Variants in CHRM3 observed in about 807,000 individuals in gnomAD.
CHRM3 encodes the protein cholinergic receptor muscarinic 3, also known as muscarinic acetylcholine receptor M3.
A neutral mutation model predicts 41.8 loss-of-function variants in CHRM3; 11 were observed. The observed-to-expected ratio is 0.26, with a 90% CI of 0.17 to 0.44. CHRM3 has a LOEUF of 0.44. Ranked by LOEUF, CHRM3 falls within the 20% of genes least tolerant of loss-of-function variation. The pLI is 1.00. For missense variants in CHRM3, 571 were observed against 745.4 expected (o/e 0.77, Z 2.72); for synonymous variants, 297 against 301.4 (o/e 0.99, Z 0.15).
intron 4 of CHRM3, among the ~76,000 whole-genome samples, chr1:239,646,108 G>A (rs952295857): frequency 4.6e-5 from 7 of 152,074 alleles, no homozygotes; most frequent in Non-Finnish European, 5.9e-5. Flanking sequence ...AAAAAGCAAT[G>A]CATGTGCAAT....
chr1:239,576,590 A>ACG (rs59926837), intron 3 of CHRM3, among the ~76,000 whole-genome samples: 9,561 of 115,002 alleles, frequency 0.083, 280 homozygotes, highest in Admixed American at 0.13. Context: ...ACACACACAC[A>ACG]CACGCACACA....
chr1:239,676,773 C>T (rs1309048232), intron 4 of CHRM3, among the ~76,000 whole-genome samples: 1 of 152,152 alleles, frequency 6.6e-6, no homozygotes, highest in African/African-American at 2.4e-5. Flanking sequence ...ATTGTGAAAC[C>T]AGAATGAGAT....
intron 3 of CHRM3, among the ~76,000 whole-genome samples, chr1:239,549,227 G>A (rs1659577774): frequency 6.6e-6 from 1 of 152,078 alleles, no homozygotes; most frequent in African/African-American, 2.4e-5. Context: ...TTTTGGTGGG[G>A]ACACAGCCAA....
At chr1:239,767,289 G>A (rs1238136629) in intron 5 of CHRM3, among the ~76,000 whole-genome samples, 1 of 152,078 alleles carries the variant, frequency 6.6e-6, no homozygotes, top group Admixed American at 6.6e-5. Flanking sequence ...GACATAAAAT[G>A]TGTGGTCCTT....
At position 239,589,586 on chromosome 1, in the gene CHRM3, G is replaced by A. The variant is rs1231854580; in HGVS notation, c.-312-42638G>A. Among the ~76,000 whole-genome samples the A allele has an allele frequency of 5.6e-5, 8 of 143,952 alleles. No individual in the cohort carries two copies. The East Asian group carries it at 1.6e-3, about 30-fold the overall frequency. The allele number at this position is 143,952 out of a possible 152,430, so 94.4% of individuals were successfully genotyped here. A position where few individuals can be genotyped will look rare whatever the true frequency, so the allele number is the denominator to read the frequency against. ...TGAAATTTTTTCATGAACAGTGCTT[G>A]CAATTAGCACCTATATATATTTATG... On this transcript the variant is annotated intron_variant, in intron 3 of 6. Transcript: ENST00000676153.
chr1:239,600,797 T>TTTCCTTCCTTCCTTCCTTCC (rs377366936), intron 3 of CHRM3, among the ~76,000 whole-genome samples: 13 of 150,566 alleles, frequency 8.6e-5, no homozygotes, highest in African/African-American at 2.9e-4. Context: ...CTTCCTTTTC[T>TTTCCTTCCTTCCTTCCTTCC]TTCCTTCCTT....
intron 6 of CHRM3, among the ~76,000 whole-genome samples, chr1:239,870,275 G>T (rs569226941): frequency 6.6e-6 from 1 of 152,186 alleles, no homozygotes; most frequent in Non-Finnish European, 1.5e-5. Flanking sequence ...GAAGGCAAGC[G>T]CTGAGCCAGC....
intron 4 of CHRM3, among the ~76,000 whole-genome samples, chr1:239,639,719 T>G (rs1425522329): frequency 6.6e-6 from 1 of 151,820 alleles, no homozygotes; most frequent in Non-Finnish European, 1.5e-5. Context: ...ACAGGGACAA[T>G]TTGACTTCCT....
chr1:239,443,571 TG>T (rs1663894435), intron 1 of CHRM3, among the ~76,000 whole-genome samples: 1 of 152,164 alleles, frequency 6.6e-6, no homozygotes, highest in Admixed American at 6.5e-5. Context: ...CTGTTTAAGG[TG>T]CCTGTGACAT....
At chr1:239,419,934 T>G (rs1293629604) in intron 1 of CHRM3, among the ~76,000 whole-genome samples, 1 of 152,158 alleles carries the variant, frequency 6.6e-6, no homozygotes, top group Non-Finnish European at 1.5e-5. Flanking sequence ...AGACTGATCG[T>G]TTCCCTGCCC....
chr1:239,570,284 C>T lies in CHRM3; in HGVS notation c.-313+24535C>T, dbSNP rs117245531. ...CTTGTGAAGAAAGTGCTTGTTTCCC[C>T]TTCATCTACTGCCATGACTGTAAGT... On this transcript the variant is annotated intron_variant, in intron 3 of 6. Transcript: ENST00000676153. Among the ~76,000 whole-genome samples the T allele has an allele frequency of 3.1e-3, 471 of 152,260 alleles. 15 individuals are homozygous for T. The East Asian group carries it at 0.078, about 25-fold the overall frequency.
Position 239,912,191 on chromosome 1 carries a change from G to GCA in CHRM3, c.*2981_*2982dup, listed in dbSNP as rs144453406. 5.9e-4 allele frequency: 97 copies of GCA among 163,590 alleles called. No homozygotes were observed. Among genetic ancestry groups the GCA allele is most frequent in the Non-Finnish European group, 8.3e-4 (56 of 67,370 alleles). The allele number at this position is 163,590 out of a possible 1,614,324, so 10.1% of individuals were successfully genotyped here. On this transcript the variant is annotated 3_prime_UTR_variant, in exon 7 of 7. Transcript: ENST00000676153. ...CTTCTTCCTTCTCTCTCTCTCACAA[G>GCA]CACACACACACACACTCAATCTCCA...
intron 3 of CHRM3, among the ~76,000 whole-genome samples, chr1:239,555,559 C>T (rs771944654): frequency 1.3e-5 from 2 of 152,158 alleles, no homozygotes; most frequent in Non-Finnish European, 2.9e-5. Flanking sequence ...GTCAGTTTAC[C>T]GTTGCCACGG....
intron 4 of CHRM3, among the ~76,000 whole-genome samples, chr1:239,654,764 G>A (rs1251923822): frequency 1.3e-5 from 2 of 152,168 alleles, no homozygotes; most frequent in Non-Finnish European, 2.9e-5. Flanking sequence ...TATATCTGGC[G>A]TCCATGAATG....
intron 6 of CHRM3, among the ~76,000 whole-genome samples, chr1:239,890,532 A>T (rs1678466148): frequency 6.6e-6 from 1 of 152,158 alleles, no homozygotes; most frequent in Non-Finnish European, 1.5e-5. Flanking sequence ...CTGAATTATT[A>T]TAAGGATTTA....
intron 5 of CHRM3, among the ~76,000 whole-genome samples, chr1:239,749,455 C>T (rs777463456): frequency 1.3e-5 from 2 of 151,972 alleles, no homozygotes; most frequent in Non-Finnish European, 2.9e-5. Context: ...GATCACCTGA[C>T]GTCAGGAGTT....
At chr1:239,763,733 G>T (rs1352306440) in intron 5 of CHRM3, among the ~76,000 whole-genome samples, 3 of 151,412 alleles carry the variant, frequency 2.0e-5, no homozygotes, top group East Asian at 1.9e-4. Context: ...TTTCACATTC[G>T]GGCACTGGGA....
intron 6 of CHRM3, among the ~76,000 whole-genome samples, chr1:239,906,185 G>A (rs1288390935): frequency 4.6e-5 from 7 of 152,188 alleles, no homozygotes; most frequent in Non-Finnish European, 1.0e-4. Context: ...GTCTCTGTGT[G>A]AATCTGACTA....
intron 5 of CHRM3, among the ~76,000 whole-genome samples, chr1:239,826,336 T>C (rs1672460496): frequency 6.6e-6 from 1 of 152,210 alleles, no homozygotes; most frequent in Non-Finnish European, 1.5e-5. Flanking sequence ...TTGCCATTTG[T>C]TCTGTAAACA....
Sources: gnomAD v4.1 joint callset for allele counts (sites outside exome capture counted in the v4.1 genomes callset) on GRCh38, gnomAD v4.1.1 for gene constraint, MANE v1.5 for transcripts, NCBI Gene and HGNC (gene_info 2026-07-23, HGNC 2026-07-21) for gene names.